MFSD6: variants seen among roughly 807,000 people sequenced by gnomAD.
The protein encoded by MFSD6 is major facilitator superfamily domain-containing protein 6.
MFSD6 carries 26 observed loss-of-function variants against 56.3 expected under a neutral mutation model. The observed-to-expected ratio is 0.46, with a 90% CI of 0.34 to 0.64. The LOEUF (loss-of-function observed/expected upper bound fraction) is 0.64. Among genes scored for constraint, MFSD6 ranks in the 30% least tolerant of loss-of-function variants. The probability of loss-of-function intolerance (pLI) is 0.01; values close to 1 mark genes in which losing one functional copy is unlikely to be tolerated. For missense variants in MFSD6, 750 were observed against 986.2 expected, an observed-to-expected ratio of 0.76 and a Z score of 3.21; for synonymous variants, 331 against 366.9, an observed-to-expected ratio of 0.90 and a Z score of 1.12.
At position 190,454,422 on chromosome 2, in the gene MFSD6, G is replaced by A. The variant is rs1686904978; in HGVS notation, c.1533-15336G>A. 2 of 152,224 alleles carry A rather than the reference G, an allele frequency of 1.3e-5. No individual in the cohort carries two copies. Among genetic ancestry groups the A allele is most frequent in the South Asian group, 4.1e-4 (2 of 4,822 alleles). The allele number at this position is 152,224 out of a possible 1,614,324, so 9.4% of individuals were successfully genotyped here. ...CTATTTAGAGATGGGATCTTTGGGA[G>A]GTAATGAAGTTTAGAGGTCATGAGA... On this transcript the variant is annotated intron_variant, in intron 3 of 7. Transcript: ENST00000392328. This position sits in a 1 kb window ranked among gnomAD's most constrained non-coding sequence, Gnocchi z 4.6.
At position 190,434,275 on chromosome 2, in the gene MFSD6, A is replaced by G. The variant is rs920295026; in HGVS notation, c.-53-1702A>G. 6.6e-6 allele frequency among the ~76,000 whole-genome samples: 1 copy of G among 152,138 alleles called. No individual in the cohort carries two copies. Among genetic ancestry groups the G allele is most frequent in the Non-Finnish European group, 1.5e-5 (1 of 68,028 alleles). On this transcript the variant is annotated intron_variant, in intron 2 of 7. Transcript: ENST00000392328. The surrounding 1 kb of genome is among the most constrained non-coding windows in gnomAD (Gnocchi z 4.3). ...CCTACCATCAGAATCTGTTCATTGG[A>G]ACAACATAATTCTTGATGCACACAA... is the stretch of plus-strand genomic sequence containing the variant.
At chr2:190,477,212 A>C (rs993436263) in intron 4 of MFSD6, 6 of 958,948 alleles carry the variant, frequency 6.3e-6, no homozygotes, top group Non-Finnish European at 7.4e-6. Context: ...AATAATAATA[A>C]TAACAATGCA....
At position 190,431,324 on chromosome 2, in the gene MFSD6, A is replaced by G. The variant is rs1280016274; in HGVS notation, c.-53-4653A>G. On this transcript the variant is annotated intron_variant, in intron 2 of 7. Transcript: ENST00000392328. The surrounding 1 kb of genome is among the most constrained non-coding windows in gnomAD (Gnocchi z 4.4). Reference sequence around the variant, plus strand: ...GGGTGGCGGCCGGGCAGAGGCTGCAATCTCGGCACTTTGGGAGGCCAAGGC... The same window carrying G: ...GGGTGGCGGCCGGGCAGAGGCTGCAGTCTCGGCACTTTGGGAGGCCAAGGC... 1.3e-5 allele frequency among the ~76,000 whole-genome samples: 2 copies of G among 152,294 alleles called. No homozygotes were observed. The highest frequency in any genetic ancestry group is 1.9e-4 in the East Asian group (1 of 5,170).
chr2:190,493,918 A>T (rs1378327362), intron 6 of MFSD6, among the ~76,000 whole-genome samples: 1 of 152,150 alleles, frequency 6.6e-6, no homozygotes, highest in Non-Finnish European at 1.5e-5. Flanking sequence ...AGTATGAAAG[A>T]ACACAAATAG....
At chr2:190,444,197 G>C (rs1264552979) in intron 3 of MFSD6, among the ~76,000 whole-genome samples, 1 of 152,182 alleles carries the variant, frequency 6.6e-6, no homozygotes, top group Non-Finnish European at 1.5e-5. Flanking sequence ...TGAAATAAAA[G>C]GTAATAACTT....
At position 190,491,464 on chromosome 2, in the gene MFSD6, A is replaced by C. The variant is rs1308480109; in HGVS notation, c.1891+1598A>C. On this transcript the variant is annotated intron_variant, in intron 6 of 7. Coordinates refer to ENST00000392328, the MANE Select transcript of MFSD6 (RefSeq NM_017694.4). The surrounding 1 kb of genome is among the most constrained non-coding windows in gnomAD (Gnocchi z 4.2). ...GGCTGGTATCCAGCTGAGAGACCTA[A>C]AGATGGTTCACATCACAGGACTCTA... Among the ~76,000 whole-genome samples the C allele has an allele frequency of 6.6e-6, 1 of 152,186 alleles. No homozygotes were observed. The highest frequency in any genetic ancestry group is 2.4e-5 in the African/African-American group (1 of 41,446).
intron 4 of MFSD6, among the ~76,000 whole-genome samples, chr2:190,479,084 A>G (rs1688513879): frequency 6.6e-6 from 1 of 152,138 alleles, no homozygotes; most frequent in Non-Finnish European, 1.5e-5. Flanking sequence ...GGCCATGTTC[A>G]TAATAATTAG....
At chr2:190,408,059 G>A (rs1690373059), upstream of MFSD6, among the ~76,000 whole-genome samples, 1 of 152,080 alleles carries the variant, frequency 6.6e-6, no homozygotes, top group African/African-American at 2.4e-5. Context: ...GGGTTCAGGT[G>A]TCCCTCCGGG....
chr2:190,493,191 A>C (rs532980231), intron 6 of MFSD6, among the ~76,000 whole-genome samples: 1 of 152,224 alleles, frequency 6.6e-6, no homozygotes, highest in South Asian at 2.1e-4. Context: ...GGAAAAAGAC[A>C]TTCCATGCAA....
intron 3 of MFSD6, among the ~76,000 whole-genome samples, chr2:190,460,820 G>A (rs534926069): frequency 1.3e-5 from 2 of 152,328 alleles, no homozygotes; most frequent in Admixed American, 1.3e-4. Flanking sequence ...GGAGGACTGA[G>A]AGCTAGGCAG....
rs1303090189 is a variant in MFSD6, at chr2:190,431,642, C to A, written c.-53-4335C>A. 6.6e-6 allele frequency among the ~76,000 whole-genome samples: 1 copy of A among 152,112 alleles called. No individual in the cohort carries two copies. The highest frequency in any genetic ancestry group is 1.5e-5 in the Non-Finnish European group (1 of 68,022). ...ATCAGGCAGGGAGGTTGCAGTGAGC[C>A]GAGATGGCAGCAGTACAGTCCAGCT... On this transcript the variant is annotated intron_variant, in intron 2 of 7. Coordinates refer to ENST00000392328, the MANE Select transcript of MFSD6 (RefSeq NM_017694.4). This position sits in a 1 kb window ranked among gnomAD's most constrained non-coding sequence, Gnocchi z 4.4.
At position 190,412,006 on chromosome 2, in the gene MFSD6, T is replaced by G; in HGVS notation, c.-175-3286T>G. The G allele has an allele frequency of 1.0e-6, 1 of 985,384 alleles. No homozygotes were observed. Among genetic ancestry groups the G allele is most frequent in the Non-Finnish European group, 1.2e-6 (1 of 829,894 alleles). 61.0% of individuals were successfully genotyped at this position (985,384 alleles called of 1,614,324 possible). A position where few individuals can be genotyped will look rare whatever the true frequency, so the allele number is the denominator to read the frequency against. On this transcript the variant is annotated intron_variant, in intron 1 of 7. Transcript: ENST00000392328. The surrounding 1 kb of genome is among the most constrained non-coding windows in gnomAD (Gnocchi z 4.1). ...TACCTGCTGTGTCATCTCATGAAAT[T>G]ATGGCATTCTGGATGACTTTAGGTA...
chr2:190,438,380 G>GC lies in MFSD6; in HGVS notation c.1532+819_1532+820insC. Reference sequence around the variant, plus strand: ...AAAATACAAAAGTTAGCCGGGCATGGTGGCACGCACCCGTAGTCCCAGCTA... The same window carrying GC: ...AAAATACAAAAGTTAGCCGGGCATGGCTGGCACGCACCCGTAGTCCCAGCTA... On this transcript the variant is annotated intron_variant, in intron 3 of 7. Transcript: ENST00000392328. The surrounding 1 kb of genome is among the most constrained non-coding windows in gnomAD (Gnocchi z 5.2). Among the ~76,000 whole-genome samples, 1 of 152,256 alleles carries GC rather than the reference G, an allele frequency of 6.6e-6. No homozygotes were observed. The highest frequency in any genetic ancestry group is 3.4e-3 in the Middle Eastern group (1 of 294).
At chr2:190,460,214 T>G (rs1051058194) in intron 3 of MFSD6, among the ~76,000 whole-genome samples, 2 of 152,258 alleles carry the variant, frequency 1.3e-5, no homozygotes, top group African/African-American at 2.4e-5. Flanking sequence ...TTGAGCTATT[T>G]ATTGTTTGTC....
chr2:190,434,505 A>G lies in MFSD6; in HGVS notation c.-53-1472A>G, dbSNP rs1269570930. On this transcript the variant is annotated intron_variant, in intron 2 of 7. Transcript: ENST00000392328. This position sits in a 1 kb window ranked among gnomAD's most constrained non-coding sequence, Gnocchi z 4.3. ...GGCTGGAGTGCAGTGGCGCAATCTC[A>G]GCTCACTGCAACCTCCGCCTCCTGG... is the stretch of plus-strand genomic sequence containing the variant. Among the ~76,000 whole-genome samples, 2 of 152,110 alleles carry G rather than the reference A, an allele frequency of 1.3e-5. No homozygotes were observed. The highest frequency in any genetic ancestry group is 3.9e-4 in the East Asian group (2 of 5,188).
chr2:190,446,920 A>T (rs1244023519), intron 3 of MFSD6, among the ~76,000 whole-genome samples: 5 of 152,176 alleles, frequency 3.3e-5, no homozygotes, highest in Non-Finnish European at 7.4e-5. Context: ...GATTCTGAGG[A>T]TCTCTCCCAG....
chr2:190,441,967 T>C (rs1686395860), intron 3 of MFSD6, among the ~76,000 whole-genome samples: 1 of 152,174 alleles, frequency 6.6e-6, no homozygotes, highest in South Asian at 2.1e-4. Flanking sequence ...TCCACCACTC[T>C]TCACTACTTA....
rs1367233754 is a variant in MFSD6 at position 190,447,154 on chromosome 2, G to GCGC, written c.1532+9593_1532+9594insCGC. On this transcript the variant is annotated intron_variant, in intron 3 of 7. Coordinates refer to ENST00000392328, the MANE Select transcript of MFSD6 (RefSeq NM_017694.4). The surrounding 1 kb of genome is among the most constrained non-coding windows in gnomAD (Gnocchi z 4.5). ...ATAAAAATATTAGCGCACTCAAGGT[G>GCGC]TCTGACATGGAATTATTTTAACACA... 1.6e-3 allele frequency among the ~76,000 whole-genome samples: 239 copies of GCGC among 152,324 alleles called. 1 individual carries two copies. Among genetic ancestry groups the GCGC allele is most frequent in the African/African-American group, 5.6e-3 (231 of 41,568 alleles).
chr2:190,459,522 A>G lies in MFSD6; in HGVS notation c.1533-10236A>G, dbSNP rs1687212126. On this transcript the variant is annotated intron_variant, in intron 3 of 7. Transcript: ENST00000392328. The surrounding 1 kb of genome is among the most constrained non-coding windows in gnomAD (Gnocchi z 5.3). Reference sequence around the variant, plus strand: ...CAGTCATTTGACTAAACAGAAAAATATAACAACAAAACAGCATATTGTGTC... The same window carrying G: ...CAGTCATTTGACTAAACAGAAAAATGTAACAACAAAACAGCATATTGTGTC... Among the ~76,000 whole-genome samples the G allele has an allele frequency of 6.6e-6, 1 of 152,258 alleles. No homozygotes were observed. The highest frequency in any genetic ancestry group is 1.5e-5 in the Non-Finnish European group (1 of 68,050).
Sources: gnomAD v4.1 joint callset for allele counts (sites outside exome capture counted in the v4.1 genomes callset) on GRCh38, gnomAD v4.1.1 for gene constraint, Gnocchi (gnomAD v3.1) non-coding constraint, MANE v1.5 for transcripts, NCBI Gene and HGNC (gene_info 2026-07-23, HGNC 2026-07-21) for gene names.